ATXN2: variants seen among roughly 807,000 people sequenced by gnomAD.
ATXN2 encodes the protein ataxin-2.
ATXN2 carries 37 observed loss-of-function variants against 138.6 expected under a neutral mutation model. That is an observed-to-expected ratio of 0.27 (90% confidence interval 0.21 to 0.35). The LOEUF (loss-of-function observed/expected upper bound fraction) is 0.35, where lower values mean the gene tolerates loss of function less well. Among genes scored for constraint, ATXN2 ranks in the 10% least tolerant of loss-of-function variants. The pLI is 1.00. For missense variants in ATXN2, 1,216 were observed against 1,480.3 expected (o/e 0.82, Z 2.93); for synonymous variants, 549 against 543.7 (o/e 1.01, Z -0.13).
chr12:111,529,655 G>C (rs184837947), intron 5 of ATXN2, among the ~76,000 whole-genome samples: 1 of 152,102 alleles, frequency 6.6e-6, no homozygotes, highest in Non-Finnish European at 1.5e-5. Flanking sequence ...CTCGACCAAC[G>C]TGTGAACCTC....
chr12:111,574,322 A>C (rs1883510620), intron 1 of ATXN2, among the ~76,000 whole-genome samples: 1 of 151,438 alleles, frequency 6.6e-6, no homozygotes, highest in African/African-American at 2.4e-5. Flanking sequence ...AAAAAAAAAA[A>C]AAAAAAAAAA....
At chr12:111,506,318 A>T (rs1879102659) in intron 14 of ATXN2, among the ~76,000 whole-genome samples, 1 of 152,194 alleles carries the variant, frequency 6.6e-6, no homozygotes, top group African/African-American at 2.4e-5. Context: ...AACATTGTGA[A>T]TATTTTAAAA....
intron 18 of ATXN2, among the ~76,000 whole-genome samples, chr12:111,480,835 T>C (rs1013810999): frequency 3.9e-5 from 6 of 152,138 alleles, no homozygotes; most frequent in Non-Finnish European, 8.8e-5. Flanking sequence ...AGCTAAACTA[T>C]AAAAATCATA....
chr12:111,598,584 A>G lies in ATXN2; in HGVS notation c.251+200T>C. ...GCGGGGATGCTGCGGGAGGCTGGACAGGCCTGACAATCCCAGAGGACCCCG... is the reference window on the plus strand; with the variant it reads ...GCGGGGATGCTGCGGGAGGCTGGACGGGCCTGACAATCCCAGAGGACCCCG... On this transcript the variant is annotated intron_variant, in intron 1 of 24. Transcript: ENST00000673436. The surrounding 1 kb of genome is among the most constrained non-coding windows in gnomAD (Gnocchi z 4.5). 1 of 983,018 alleles carries G rather than the reference A, an allele frequency of 1.0e-6. No homozygotes were observed. The highest frequency in any genetic ancestry group is 1.2e-6 in the Non-Finnish European group (1 of 827,956). 60.9% of individuals were successfully genotyped at this position (983,018 alleles called of 1,614,324 possible).
chr12:111,485,973 G>T, intron 16 of ATXN2, 108 bp from the exon 17 acceptor site: 1 of 1,083,080 alleles, frequency 9.2e-7, no homozygotes, highest in East Asian at 2.8e-5. Context: ...CTTTAACTAT[G>T]TCCCTTTTAT....
chr12:111,580,295 A>T (rs1592924322), intron 1 of ATXN2, among the ~76,000 whole-genome samples: 1 of 152,122 alleles, frequency 6.6e-6, no homozygotes, highest in Non-Finnish European at 1.5e-5. Context: ...AGCCTGGGCA[A>T]CAGAGCAAGA....
At chr12:111,495,038 G>A (rs1355274348) in intron 14 of ATXN2, among the ~76,000 whole-genome samples, 3 of 152,086 alleles carry the variant, frequency 2.0e-5, no homozygotes, top group Non-Finnish European at 4.4e-5. Flanking sequence ...GGGTGCGGTG[G>A]CTCACGCCTG....
intron 1 of ATXN2, among the ~76,000 whole-genome samples, chr12:111,560,218 A>G (rs1377597532): frequency 6.6e-6 from 1 of 152,226 alleles, no homozygotes; most frequent in Non-Finnish European, 1.5e-5. Flanking sequence ...GATTAAAAAC[A>G]CTTAAAAATA....
chr12:111,475,200 C>A (rs909270386), intron 18 of ATXN2, among the ~76,000 whole-genome samples: 2 of 150,780 alleles, frequency 1.3e-5, no homozygotes, highest in South Asian at 2.1e-4. Flanking sequence ...GGCAACAGAG[C>A]GAGACTCTGT....
chr12:111,535,843 A>G (rs1881131540), intron 5 of ATXN2, among the ~76,000 whole-genome samples: 1 of 151,358 alleles, frequency 6.6e-6, no homozygotes, highest in Non-Finnish European at 1.5e-5. Flanking sequence ...TACTAAAAAT[A>G]CAAAAAATTA....
chr12:111,586,526 C>T (rs1311482318), intron 1 of ATXN2, among the ~76,000 whole-genome samples: 2 of 151,598 alleles, frequency 1.3e-5, no homozygotes, highest in African/African-American at 2.4e-5. Context: ...GCTGGGACTA[C>T]AGGCACACAT....
At chr12:111,568,845 TCA>T (rs1782466989) in intron 1 of ATXN2, among the ~76,000 whole-genome samples, 1 of 152,230 alleles carries the variant, frequency 6.6e-6, no homozygotes, top group Non-Finnish European at 1.5e-5. Context: ...TCTTCCAATT[TCA>T]GACTTCTTGT....
In ATXN2 at chr12:111,509,979, T is replaced by C. The variant is rs758574780; in HGVS notation, c.1776A>G (p.Gln592=). The part of the protein sequence containing the change: ...PSSEAKDSRL[Q]DQRQNSPAGN... ...CTGCAGGAGAGTTCTGCCTCTGATC[T>C]TGAAGCCTGGAATCTTTAGCTAGAA... The change falls in exon 13 of 25, where the codon CAA becomes CAG. Residue 592 remains glutamine (Q), a synonymous_variant. Transcript: ENST00000673436. The C allele has an allele frequency of 5.6e-6, 9 of 1,608,594 alleles. No homozygotes were observed. Among genetic ancestry groups the C allele is most frequent in the South Asian group, 1.1e-5 (1 of 89,412 alleles).
chr12:111,553,684 T>A (rs1303796495), intron 3 of ATXN2, among the ~76,000 whole-genome samples: 1 of 137,734 alleles, frequency 7.3e-6, no homozygotes, highest in African/African-American at 2.8e-5. Flanking sequence ...CAGTGAAACC[T>A]CCACCTCCCA....
intron 21 of ATXN2, among the ~76,000 whole-genome samples, chr12:111,462,640 A>C (rs1875664412): frequency 6.6e-6 from 1 of 152,192 alleles, no homozygotes; most frequent in African/African-American, 2.4e-5. Flanking sequence ...AGTTTCTTTT[A>C]AAAAGTACTG....
chr12:111,598,887 C>T lies in ATXN2; in HGVS notation c.148G>A (p.Ala50Thr). 1 of 1,497,588 alleles carries T rather than the reference C, an allele frequency of 6.7e-7. No individual in the cohort carries two copies. Among genetic ancestry groups the T allele is most frequent in the Non-Finnish European group, 8.9e-7 (1 of 1,129,788 alleles). The allele number at this position is 1,497,588 out of a possible 1,614,324, so 92.8% of individuals were successfully genotyped here. A position where few individuals can be genotyped will look rare whatever the true frequency, so the allele number is the denominator to read the frequency against. ...GGSGLLASPA[A>T]APSPSSSSVS... is the part of the protein sequence containing the mutation. ...GAGGACGAGGACGGCGAAGGCGCGGCGGCGGGCGACGCTAGAAGGCCGCTG... is the reference window on the plus strand; with the variant it reads ...GAGGACGAGGACGGCGAAGGCGCGGTGGCGGGCGACGCTAGAAGGCCGCTG... The change falls in exon 1 of 25, where the codon GCC (alanine) becomes ACC (threonine). Residue 50 changes from alanine to threonine, a missense_variant. By Grantham distance (58) the Ala-to-Thr change is moderately conservative (BLOSUM62 0). This residue lies in a region of ATXN2 where 110 missense variants were observed against 88.7 expected (regional missense o/e 1.24). Coordinates refer to ENST00000673436, the MANE Select transcript of ATXN2 (RefSeq NM_001372574.1). This position sits in a 1 kb window ranked among gnomAD's most constrained non-coding sequence, Gnocchi z 4.5.
chr12:111,583,138 G>A (rs1277772390), intron 1 of ATXN2, among the ~76,000 whole-genome samples: 2 of 150,930 alleles, frequency 1.3e-5, no homozygotes. Flanking sequence ...GACTACAGAT[G>A]CGCACCACCA....
chr12:111,576,133 A>AACATAACATC (rs1262827323), intron 1 of ATXN2, among the ~76,000 whole-genome samples: 1 of 76,430 alleles, frequency 1.3e-5, no homozygotes. Flanking sequence ...AACATAACAT[A>AACATAACATC]ACATCACACC....
At chr12:111,572,192 G>A (rs1353236440) in intron 1 of ATXN2, among the ~76,000 whole-genome samples, 2 of 152,054 alleles carry the variant, frequency 1.3e-5, no homozygotes, top group East Asian at 1.9e-4. Context: ...CTGAGGTCAG[G>A]AGTTCGAGAC....
Sources: gnomAD v4.1 joint callset for allele counts (sites outside exome capture counted in the v4.1 genomes callset) on GRCh38, gnomAD v4.1.1 for gene constraint, gnomAD v4.1.1 regional missense constraint, Gnocchi (gnomAD v3.1) non-coding constraint, MANE v1.5 for transcripts, NCBI Gene and HGNC (gene_info 2026-07-23, HGNC 2026-07-21) for gene names.